IQSEC1: variants seen among roughly 807,000 people sequenced by gnomAD.
The protein encoded by IQSEC1 is IQ motif and Sec7 domain ArfGEF 1, also known as IQ motif and SEC7 domain-containing protein 1.
A neutral mutation model predicts 91.0 loss-of-function variants in IQSEC1; 31 were observed. The observed-to-expected ratio is 0.34, with a 90% confidence interval of 0.26 to 0.46. IQSEC1 has a LOEUF of 0.46. IQSEC1 is among the 20% of genes least tolerant of loss of function. The pLI, the probability that IQSEC1 is intolerant of heterozygous loss-of-function variation, is 1.00. For synonymous variants in IQSEC1, 699 were observed against 662.6 expected, an observed-to-expected ratio of 1.05 and a Z score of -0.84; for missense variants, 1,388 against 1,575.6, an observed-to-expected ratio of 0.88 and a Z score of 2.02.
Position 12,941,760 on chromosome 3 carries a change from G to T in IQSEC1, c.129C>A (p.His43Gln), listed in dbSNP as rs765197194. The T allele has an allele frequency of 6.2e-6, 10 of 1,612,298 alleles. No homozygotes were observed. The South Asian group carries it at 1.1e-4, about 18-fold the overall frequency. ...LVPGSSLSPD[H>Q]YEHTSVGAYG... ...AGGCTCCCACTGACGTGTGCTCGTA[G>T]TGATCCGGGCTCAGGCTGGAACCGG... The change falls in exon 2 of 14, where the codon CAC becomes CAA. Residue 43 changes from histidine (H) to glutamine (Q), a missense_variant. His to Gln is a conservative substitution (Grantham distance 24, BLOSUM62 0). Coordinates refer to ENST00000613206, the MANE Select transcript of IQSEC1 (RefSeq NM_001134382.3).
intron 2 of IQSEC1, among the ~76,000 whole-genome samples, chr3:13,128,428 A>G (rs967277825): frequency 3.2e-4 from 49 of 152,200 alleles, no homozygotes; most frequent in Admixed American, 1.0e-3. Context: ...GAATCATATG[A>G]TGTCTCCTTT....
At chr3:13,170,917 G>C (rs879555088) in intron 1 of IQSEC1, among the ~76,000 whole-genome samples, 112 of 152,190 alleles carry the variant, frequency 7.4e-4, no homozygotes, top group Middle Eastern at 3.4e-3. Context: ...GGCCAACATG[G>C]TGAAACCCCA....
chr3:13,219,832 A>G (rs1313290672), intron 1 of IQSEC1, among the ~76,000 whole-genome samples: 2 of 152,224 alleles, frequency 1.3e-5, no homozygotes, highest in Non-Finnish European at 2.9e-5. Flanking sequence ...ATCACTTCCC[A>G]GCAAGGCCCT....
intron 1 of IQSEC1, among the ~76,000 whole-genome samples, chr3:13,232,532 TGGTGA>T (rs1214604613): frequency 6.6e-6 from 1 of 151,012 alleles, no homozygotes; most frequent in Non-Finnish European, 1.5e-5. Flanking sequence ...TCTCACGGGG[TGGTGA>T]CAAGCAGAGA....
intron 2 of IQSEC1, among the ~76,000 whole-genome samples, chr3:13,114,649 C>T (rs548171681): frequency 6.6e-6 from 1 of 152,126 alleles, no homozygotes; most frequent in African/African-American, 2.4e-5. Context: ...AAAAATTAGC[C>T]TGGCATGGTG....
intron 1 of IQSEC1, among the ~76,000 whole-genome samples, chr3:12,951,485 C>G (rs1699542121): frequency 6.6e-6 from 1 of 152,074 alleles, no homozygotes; most frequent in African/African-American, 2.4e-5. Context: ...AGACATAGAG[C>G]TGGTGTAGCC....
At chr3:13,245,448 G>A in intron 1 of IQSEC1, among the ~76,000 whole-genome samples, 1 of 152,216 alleles carries the variant, frequency 6.6e-6, no homozygotes, top group East Asian at 1.9e-4. Context: ...CTGGATGGGA[G>A]ACGCTGAACA....
Position 13,201,170 on chromosome 3 carries a change from G to A in IQSEC1, c.273-37037C>T, listed in dbSNP as rs189958058. On this transcript the variant is annotated intron_variant, in intron 1 of 15. Transcript: ENST00000648114. ...GTGGTCCTCAAAGAAACAGAAGTCG[G>A]CTCCCTCAAGGCCACATGGCCAGGA... Among the ~76,000 whole-genome samples the A allele has an allele frequency of 2.1e-3, 315 of 152,236 alleles. 1 individual carries two copies. Among genetic ancestry groups the A allele is most frequent in the African/African-American group, 7.4e-3 (306 of 41,536 alleles).
intron 2 of IQSEC1, among the ~76,000 whole-genome samples, chr3:13,145,815 G>GT (rs1332445130): frequency 3.3e-4 from 40 of 119,606 alleles, no homozygotes; most frequent in African/African-American, 1.2e-3. Context: ...GGGGGGGGGG[G>GT]GTCCTGATCA....
At chr3:13,069,261 G>A (rs1254140249) in intron 1 of IQSEC1, among the ~76,000 whole-genome samples, 1 of 152,204 alleles carries the variant, frequency 6.6e-6, no homozygotes, top group Non-Finnish European at 1.5e-5. Context: ...ATCTCTCTCG[G>A]TGGGCTGGGG....
At chr3:13,181,131 C>T (rs1023373351) in intron 1 of IQSEC1, among the ~76,000 whole-genome samples, 5 of 152,120 alleles carry the variant, frequency 3.3e-5, no homozygotes, top group Non-Finnish European at 7.4e-5. Flanking sequence ...ATTAGCCGGG[C>T]GTGGTGGCGG....
At chr3:13,269,546 G>A (rs1013165061) in intron 1 of IQSEC1, among the ~76,000 whole-genome samples, 1 of 152,196 alleles carries the variant, frequency 6.6e-6, no homozygotes, top group African/African-American at 2.4e-5. Flanking sequence ...CATCCTCAGT[G>A]CCCAAGCCAG....
At chr3:12,902,247 C>T (rs1446185602) in intron 13 of IQSEC1, among the ~76,000 whole-genome samples, 1 of 152,100 alleles carries the variant, frequency 6.6e-6, no homozygotes, top group Non-Finnish European at 1.5e-5. Flanking sequence ...TCAAGACACT[C>T]CTCCTCCCAC....
At chr3:12,902,456 A>G (rs760995358) in intron 13 of IQSEC1, among the ~76,000 whole-genome samples, 24 of 152,038 alleles carry the variant, frequency 1.6e-4, no homozygotes, top group Non-Finnish European at 2.9e-4. Flanking sequence ...CAGGGACCAC[A>G]GGTGATGGGG....
intron 1 of IQSEC1, among the ~76,000 whole-genome samples, chr3:13,233,402 G>T (rs560496950): frequency 6.6e-6 from 1 of 152,176 alleles, no homozygotes; most frequent in Non-Finnish European, 1.5e-5. Context: ...GCTGCAGACC[G>T]TCCTGGCTTC....
intron 1 of IQSEC1, among the ~76,000 whole-genome samples, chr3:13,067,047 G>C (rs1559245950): frequency 6.6e-6 from 1 of 152,232 alleles, no homozygotes; most frequent in Non-Finnish European, 1.5e-5. Context: ...CAGAGGCCCA[G>C]AGAGGGCAAG....
At chr3:13,201,044 C>T (rs145649366) in intron 1 of IQSEC1, among the ~76,000 whole-genome samples, 1 of 152,172 alleles carries the variant, frequency 6.6e-6, no homozygotes, top group African/African-American at 2.4e-5. Context: ...CAGCTGCATT[C>T]GACTCACTTT....
In IQSEC1 at chr3:12,899,951, T is replaced by C. The variant is rs1460606810; in HGVS notation, c.*1032A>G. ...GGACTCTGAATGAGTGTGCGTCAAA[T>C]CATATGCGCATAAAAGAAACATGGA... On this transcript the variant is annotated 3_prime_UTR_variant, in exon 14 of 14. Transcript: ENST00000613206. 1.0e-6 allele frequency: 1 copy of C among 985,054 alleles called. No homozygotes were observed. Among genetic ancestry groups the C allele is most frequent in the African/African-American group, 1.8e-5 (1 of 57,132 alleles). 61.0% of individuals were successfully genotyped at this position (985,054 alleles called of 1,614,324 possible). A position where few individuals can be genotyped will look rare whatever the true frequency, so the allele number is the denominator to read the frequency against.
At position 13,207,545 on chromosome 3, in the gene IQSEC1, C is replaced by T. The variant is rs964112570; in HGVS notation, c.273-43412G>A. ...GCCAGTGGGTTCCCTTCGTACTCCA[C>T]GCCAGTTCCCATTCGCAGCCCAGTC... On this transcript the variant is annotated intron_variant, in intron 1 of 15. Coordinates refer to the IQSEC1 transcript ENST00000648114. This position sits in a 1 kb window ranked among gnomAD's most constrained non-coding sequence, Gnocchi z 4.8. Among the ~76,000 whole-genome samples, 7 of 152,200 alleles carry T rather than the reference C, an allele frequency of 4.6e-5. No individual in the cohort carries two copies. The highest frequency in any genetic ancestry group is 4.4e-5 in the Non-Finnish European group (3 of 68,038).
Sources: gnomAD v4.1 joint callset for allele counts (sites outside exome capture counted in the v4.1 genomes callset) on GRCh38, gnomAD v4.1.1 for gene constraint, Gnocchi (gnomAD v3.1) non-coding constraint, MANE v1.5 for transcripts, NCBI Gene and HGNC (gene_info 2026-07-23, HGNC 2026-07-21) for gene names.